Variants in MMP26 observed in about 807,000 individuals in gnomAD.
MMP26 encodes matrix metalloproteinase-26.
In MMP26, 33 loss-of-function variants were observed where a neutral mutation model predicts 31.0. The observed-to-expected ratio is 1.06, with a 90% confidence interval of 0.81 to 1.42. The LOEUF (loss-of-function observed/expected upper bound fraction) is 1.42. Among genes scored for constraint, MMP26 ranks in the 40% most tolerant of loss-of-function variants. The pLI is 0.00. For missense variants in MMP26, 347 were observed against 316.1 expected (o/e 1.10, Z -0.74); for synonymous variants, 122 against 114.9 (o/e 1.06, Z -0.40).
At chr11:4,959,101 G>A (rs1846484200) in intron 2 of MMP26, among the ~76,000 whole-genome samples, 1 of 152,010 alleles carries the variant, frequency 6.6e-6, no homozygotes, top group Non-Finnish European at 1.5e-5. Flanking sequence ...AGCCGGGCGT[G>A]GTGGCGGGCG....
chr11:4,715,360 T>C (rs1847915800), intron 1 of MMP26, among the ~76,000 whole-genome samples: 1 of 146,742 alleles, frequency 6.8e-6, no homozygotes, highest in Non-Finnish European at 1.5e-5. Flanking sequence ...AAAAAGAATA[T>C]AACTCCAGAG....
At chr11:4,843,026 T>A (rs1025750705) in intron 2 of MMP26, among the ~76,000 whole-genome samples, 8 of 152,190 alleles carry the variant, frequency 5.3e-5, no homozygotes, top group Non-Finnish European at 1.2e-4. Flanking sequence ...TCTGACCCCA[T>A]GTCTCTCACC....
At position 4,730,934 on chromosome 11, in the gene MMP26, A is replaced by C. The variant is rs146399688; in HGVS notation, c.-217+25889A>C. The stretch of plus-strand genomic sequence containing the variant: ...CCACAAAGATGCACCATTCTTTATT[A>C]TTTATTATTTATTTATTTATTTATT... On this transcript the variant is annotated intron_variant, in intron 1 of 7. Coordinates refer to ENST00000380390, the MANE Select transcript of MMP26 (RefSeq NM_021801.5). 3.0e-3 allele frequency among the ~76,000 whole-genome samples: 459 copies of C among 152,022 alleles called. 4 individuals are homozygous for C. Among genetic ancestry groups the C allele is most frequent in the African/African-American group, 0.01 (420 of 41,460 alleles).
chr11:4,855,832 G>A (rs61289192), intron 2 of MMP26, among the ~76,000 whole-genome samples: 2,529 of 152,198 alleles, frequency 0.017, 80 homozygotes, highest in African/African-American at 0.058. Flanking sequence ...GAAAGGTCGC[G>A]TTACCCACAA....
chr11:4,849,086 A>G, intron 2 of MMP26: 1 of 1,614,106 alleles, frequency 6.2e-7, no homozygotes, highest in Non-Finnish European at 8.5e-7. Flanking sequence ...GAAGGTAGAC[A>G]GCAATGAGGG....
At chr11:4,719,299 A>T (rs1174075784) in intron 1 of MMP26, 1 of 153,452 alleles carries the variant, frequency 6.5e-6, no homozygotes, top group African/African-American at 2.4e-5. Flanking sequence ...TGTTCTCAGC[A>T]TTGCTTCCCC....
chr11:4,845,238 C>T (rs745560869), intron 2 of MMP26, among the ~76,000 whole-genome samples: 4 of 151,758 alleles, frequency 2.6e-5, no homozygotes, highest in African/African-American at 9.7e-5. Context: ...CTATAAAACA[C>T]GGATGAAAGA....
chr11:4,785,387 G>A (rs1175353646), intron 2 of MMP26, among the ~76,000 whole-genome samples: 2 of 152,074 alleles, frequency 1.3e-5, no homozygotes, highest in Non-Finnish European at 2.9e-5. Context: ...TGTAGTTAAA[G>A]TTCCTTGAAC....
intron 1 of MMP26, among the ~76,000 whole-genome samples, chr11:4,754,655 A>G (rs1848485280): frequency 6.6e-6 from 1 of 151,994 alleles, no homozygotes; most frequent in African/African-American, 2.4e-5. Context: ...CATCTAATTG[A>G]CTAGTACTTA....
chr11:4,860,612 G>A (rs143159486), intron 2 of MMP26: 153 of 401,238 alleles, frequency 3.8e-4, no homozygotes, highest in African/African-American at 2.9e-3. Flanking sequence ...TTGGCTCACA[G>A]CTCCTAAATT....
chr11:4,782,046 G>T (rs1213637384), intron 2 of MMP26, among the ~76,000 whole-genome samples: 1 of 152,142 alleles, frequency 6.6e-6, no homozygotes, highest in Admixed American at 6.5e-5. Flanking sequence ...TTTATCAGCA[G>T]CATGACAATA....
intron 2 of MMP26, among the ~76,000 whole-genome samples, chr11:4,786,168 G>A (rs1449182234): frequency 6.6e-6 from 1 of 152,144 alleles, no homozygotes; most frequent in African/African-American, 2.4e-5. Context: ...GTAAGGAGCT[G>A]CTGCAGATCC....
At chr11:4,757,959 T>C (rs1564902513) in intron 1 of MMP26, among the ~76,000 whole-genome samples, 2 of 152,098 alleles carry the variant, frequency 1.3e-5, no homozygotes, top group African/African-American at 4.8e-5. Context: ...TTCTTAAAAA[T>C]TGAAACATAA....
At chr11:4,711,627 T>A (rs1847863279) in intron 1 of MMP26, 1 of 152,174 alleles carries the variant, frequency 6.6e-6, no homozygotes, top group Non-Finnish European at 1.5e-5. Context: ...ACATCCACTT[T>A]CTACTTGCAT....
intron 2 of MMP26, chr11:4,860,003 G>T (rs149925634): frequency 2.1e-6 from 1 of 470,950 alleles, no homozygotes; most frequent in Non-Finnish European, 4.4e-6. Flanking sequence ...CAAGCTAGCC[G>T]CATCATGTTT....
chr11:4,767,050 T>C (rs987973786), intron 1 of MMP26, among the ~76,000 whole-genome samples: 11 of 152,158 alleles, frequency 7.2e-5, no homozygotes, highest in African/African-American at 2.4e-4. Context: ...TTCATTTACA[T>C]AATGGCATTG....
chr11:4,829,145 C>A (rs181963142), intron 2 of MMP26, among the ~76,000 whole-genome samples: 68 of 152,214 alleles, frequency 4.5e-4, no homozygotes, highest in African/African-American at 1.6e-3. Flanking sequence ...CAGTAAAAGG[C>A]TACTAAATAC....
chr11:4,794,729 A>T (rs1849081606), intron 2 of MMP26, among the ~76,000 whole-genome samples: 1 of 152,212 alleles, frequency 6.6e-6, no homozygotes, highest in African/African-American at 2.4e-5. Context: ...GGGTGAGGGT[A>T]ACCAAGCAGT....
In MMP26 at chr11:4,775,747, T is replaced by TGAGAGAGAGAGAGA. The variant is rs35696328; in HGVS notation, c.-145+8417_-145+8430dup. Among the ~76,000 whole-genome samples the TGAGAGAGAGAGAGA allele has an allele frequency of 2.7e-4, 38 of 139,800 alleles. 1 individual carries two copies. The highest frequency in any genetic ancestry group is 1.0e-3 in the African/African-American group (38 of 37,738). The allele number at this position is 139,800 out of a possible 152,430, so 91.7% of individuals were successfully genotyped here. A position where few individuals can be genotyped will look rare whatever the true frequency, so the allele number is the denominator to read the frequency against. The stretch of plus-strand genomic sequence containing the variant: ...AGTACAAGGAAAGAGAGGAAGTGAG[T>TGAGAGAGAGAGAGA]GAGAGAGAGAGAGAGAGAGAGAGAA... On this transcript the variant is annotated intron_variant, in intron 2 of 7. Coordinates refer to ENST00000380390, the MANE Select transcript of MMP26 (RefSeq NM_021801.5).
Sources: allele counts gnomAD v4.1 joint callset (sites outside exome capture counted in the v4.1 genomes callset), GRCh38; gene constraint gnomAD v4.1.1; transcripts MANE v1.5; gene names NCBI Gene and HGNC (gene_info 2026-07-23, HGNC 2026-07-21).